Variants in ROBO2 observed in about 807,000 individuals in gnomAD.
ROBO2 encodes the protein roundabout guidance receptor 2.
A neutral mutation model predicts 160.8 loss-of-function variants in ROBO2; 53 were observed. The ratio of observed to expected loss-of-function variants is 0.33; its 90% CI spans 0.26 to 0.41. ROBO2 has a LOEUF of 0.41. ROBO2 is among the 10% of genes least tolerant of loss of function. The pLI is 1.00. For missense variants in ROBO2, 1,577 were observed against 1,722.4 expected (o/e 0.92, Z 1.49); for synonymous variants, 664 against 611.7 (o/e 1.09, Z -1.26).
At chr3:76,433,425 G>T (rs746549761) in intron 2 of ROBO2, among the ~76,000 whole-genome samples, 12 of 152,134 alleles carry the variant, frequency 7.9e-5, no homozygotes, top group Non-Finnish European at 1.2e-4. Flanking sequence ...ATTTAACTGA[G>T]TGTCCAGTAT....
At chr3:75,990,346 G>C (rs147885034) in intron 2 of ROBO2, among the ~76,000 whole-genome samples, 3 of 152,154 alleles carry the variant, frequency 2.0e-5, no homozygotes, top group African/African-American at 7.2e-5. Context: ...AGGTCACCCT[G>C]TCTTTGAGTT....
intron 2 of ROBO2, among the ~76,000 whole-genome samples, chr3:76,796,604 A>G (rs888856646): frequency 1.3e-5 from 2 of 152,078 alleles, no homozygotes; most frequent in Admixed American, 6.6e-5. Flanking sequence ...TTACTTATCA[A>G]TAAAAACATT....
intron 2 of ROBO2, among the ~76,000 whole-genome samples, chr3:77,155,506 C>T (rs1233315798): frequency 6.6e-6 from 1 of 151,906 alleles, no homozygotes; most frequent in East Asian, 1.9e-4. Context: ...ACAGATAGTC[C>T]CACAGAACCT....
intron 2 of ROBO2, among the ~76,000 whole-genome samples, chr3:76,420,908 T>C (rs970225368): frequency 6.6e-6 from 1 of 152,224 alleles, no homozygotes; most frequent in African/African-American, 2.4e-5. Context: ...AAGCTGTCAC[T>C]GATGAGCAAA....
chr3:76,447,241 A>G (rs571344864), intron 2 of ROBO2, among the ~76,000 whole-genome samples: 1 of 152,354 alleles, frequency 6.6e-6, no homozygotes, highest in South Asian at 2.1e-4. Context: ...GGATATGAAC[A>G]GACACTTCTC....
intron 2 of ROBO2, among the ~76,000 whole-genome samples, chr3:76,328,287 G>T (rs987629290): frequency 5.3e-5 from 8 of 152,148 alleles, no homozygotes; most frequent in African/African-American, 1.9e-4. Context: ...ATAGAGTGCT[G>T]CTGAATATCC....
At chr3:77,130,485 A>G (rs778936212) in intron 2 of ROBO2, among the ~76,000 whole-genome samples, 5 of 152,240 alleles carry the variant, frequency 3.3e-5, no homozygotes, top group Non-Finnish European at 7.3e-5. Context: ...AAAATGATGT[A>G]TAACATAACC....
At chr3:77,182,503 G>T (rs1262625248) in intron 2 of ROBO2, among the ~76,000 whole-genome samples, 3 of 152,010 alleles carry the variant, frequency 2.0e-5, no homozygotes, top group Non-Finnish European at 2.9e-5. Flanking sequence ...GATGGGACAG[G>T]GGAAGGATTG....
intron 2 of ROBO2, among the ~76,000 whole-genome samples, chr3:76,270,516 T>C (rs1004766767): frequency 6.6e-6 from 1 of 152,064 alleles, no homozygotes; most frequent in Non-Finnish European, 1.5e-5. Flanking sequence ...TTATCGTAGA[T>C]GATAACTCCT....
At chr3:77,218,822 A>G (rs1408194861) in intron 2 of ROBO2, among the ~76,000 whole-genome samples, 1 of 152,242 alleles carries the variant, frequency 6.6e-6, no homozygotes, top group South Asian at 2.1e-4. Context: ...GTGCTACAGT[A>G]TCAAGAGCTG....
intron 9 of ROBO2, among the ~76,000 whole-genome samples, chr3:77,559,556 A>AG (rs1312206563): frequency 6.6e-6 from 1 of 152,138 alleles, no homozygotes; most frequent in Non-Finnish European, 1.5e-5. Context: ...GCCAAGATGA[A>AG]GAAAAACAAA....
intron 2 of ROBO2, among the ~76,000 whole-genome samples, chr3:76,455,292 G>A (rs1011475572): frequency 2.0e-5 from 3 of 152,090 alleles, no homozygotes; most frequent in Admixed American, 6.6e-5. Context: ...TCCAATGAAT[G>A]TACAGCATTT....
chr3:77,240,283 T>A (rs1486378497), intron 2 of ROBO2, among the ~76,000 whole-genome samples: 1 of 152,116 alleles, frequency 6.6e-6, no homozygotes, highest in Non-Finnish European at 1.5e-5. Context: ...GCGGGTGGGC[T>A]GGCAGTGCTG....
chr3:77,289,280 TA>T (rs2060868009), intron 2 of ROBO2, among the ~76,000 whole-genome samples: 1 of 152,106 alleles, frequency 6.6e-6, no homozygotes, highest in Admixed American at 6.6e-5. Context: ...GAGAAAGACA[TA>T]AAGTAAAATT....
chr3:76,961,800 CCT>C (rs2079682935), intron 2 of ROBO2, among the ~76,000 whole-genome samples: 1 of 152,100 alleles, frequency 6.6e-6, no homozygotes, highest in Admixed American at 6.5e-5. Context: ...ACCTACGGGT[CCT>C]TTTTTTATTG....
At chr3:77,391,239 CAA>C (rs2074695065) in intron 2 of ROBO2, among the ~76,000 whole-genome samples, 1 of 152,100 alleles carries the variant, frequency 6.6e-6, no homozygotes, top group Non-Finnish European at 1.5e-5. Flanking sequence ...TATTCAAAGT[CAA>C]GTTTTCATTA....
intron 24 of ROBO2, among the ~76,000 whole-genome samples, chr3:77,635,824 C>A (rs1197530569): frequency 6.6e-6 from 1 of 152,150 alleles, no homozygotes; most frequent in East Asian, 1.9e-4. Flanking sequence ...TTTCTCAGAA[C>A]TTATCTCCAT....
chr3:76,626,943 G>T (rs747214562), intron 2 of ROBO2, among the ~76,000 whole-genome samples: 3 of 152,090 alleles, frequency 2.0e-5, no homozygotes, highest in South Asian at 2.1e-4. Flanking sequence ...GCCCGCCTCG[G>T]CCTCCCAAAG....
chr3:76,491,207 C>G (rs1040039288), intron 2 of ROBO2, among the ~76,000 whole-genome samples: 2 of 152,006 alleles, frequency 1.3e-5, no homozygotes, highest in African/African-American at 2.4e-5. Context: ...ATCCGACCTC[C>G]CAAAGTGCTG....
Sources: gnomAD v4.1 joint callset for allele counts (sites outside exome capture counted in the v4.1 genomes callset) on GRCh38, gnomAD v4.1.1 for gene constraint, MANE v1.5 for transcripts, NCBI Gene and HGNC (gene_info 2026-07-23, HGNC 2026-07-21) for gene names.